The following BRD3 variants were observed in gnomAD, a reference collection of about 807,000 sequenced individuals.
BRD3 encodes bromodomain-containing protein 3.
In BRD3, 17 loss-of-function variants were observed where a neutral mutation model predicts 66.8. That is an observed-to-expected ratio of 0.25 (90% CI 0.17 to 0.38). The LOEUF is 0.38. Ranked by LOEUF, BRD3 falls within the 10% of genes least tolerant of loss-of-function variation. The probability of loss-of-function intolerance (pLI) is 1.00; values close to 1 mark genes in which losing one functional copy is unlikely to be tolerated. For synonymous variants in BRD3, 421 were observed against 393.2 expected (o/e 1.07, Z -0.84); for missense variants, 713 against 956.1 (o/e 0.75, Z 3.35).
At chr9:134,040,836 G>A (rs1830028288) in intron 8 of BRD3, among the ~76,000 whole-genome samples, 1 of 152,234 alleles carries the variant, frequency 6.6e-6, no homozygotes, top group African/African-American at 2.4e-5. Context: ...TCCACTGCCA[G>A]CAACCAGCAT....
intron 11 of BRD3, 49 bp downstream of exon 11, chr9:134,034,652 C>G (rs764475299): frequency 1.3e-6 from 2 of 1,595,998 alleles, no homozygotes; most frequent in Admixed American, 3.4e-5. Context: ...CTACTGCTGA[C>G]ACCCCCCACC....
intron 1 of BRD3, among the ~76,000 whole-genome samples, chr9:134,065,220 C>T (rs911584757): frequency 3.9e-5 from 6 of 152,042 alleles, no homozygotes; most frequent in African/African-American, 9.7e-5. Flanking sequence ...GTGAGGAGTT[C>T]GAGACCAGCC....
At position 134,045,973 on chromosome 9, in the gene BRD3, C is replaced by T. The variant is rs1830156941; in HGVS notation, c.1087-552G>A. ...CTAGCTGGACCTAAGGGACTCCACG[C>T]TGTGTCCAGCGGCAGCTCCTGAACC... On this transcript the variant is annotated intron_variant, in intron 6 of 11. Coordinates refer to ENST00000303407, the MANE Select transcript of BRD3 (RefSeq NM_007371.4). The surrounding 1 kb of genome is among the most constrained non-coding windows in gnomAD (Gnocchi z 4.8). Among the ~76,000 whole-genome samples, 1 of 152,252 alleles carries T rather than the reference C, an allele frequency of 6.6e-6. No homozygotes were observed. Among genetic ancestry groups the T allele is most frequent in the Non-Finnish European group, 1.5e-5 (1 of 68,036 alleles).
At chr9:134,049,499 G>T (rs1396571274) in intron 5 of BRD3, among the ~76,000 whole-genome samples, 2 of 152,234 alleles carry the variant, frequency 1.3e-5, no homozygotes, top group Non-Finnish European at 2.9e-5. Flanking sequence ...GTGCTGCCAA[G>T]CGCCAGGCGC....
At chr9:134,065,113 A>G (rs1039877290) in intron 1 of BRD3, among the ~76,000 whole-genome samples, 2 of 152,112 alleles carry the variant, frequency 1.3e-5, no homozygotes, top group East Asian at 3.9e-4. Flanking sequence ...CTTCAACCAG[A>G]TACTGGCTTC....
upstream of BRD3, chr9:134,068,457 C>A (rs892582501): frequency 6.0e-5 from 9 of 150,162 alleles, no homozygotes; most frequent in African/African-American, 2.2e-4. Flanking sequence ...CCCTCGAACC[C>A]CGGCCGCGCA....
In BRD3 at chr9:134,048,491, A is replaced by C. The variant is rs760736083; in HGVS notation, c.715-37T>G. The C allele has an allele frequency of 1.9e-6, 3 of 1,596,626 alleles. No homozygotes were observed. The South Asian group carries it at 3.3e-5, about 18-fold the overall frequency. On this transcript the variant is annotated intron_variant, in intron 5 of 11. Transcript: ENST00000303407. ...AAATAACCAGTGAACCCCGGAAACC[A>C]GGGGCCCCGAAGACGCATGTCGCTG...
chr9:134,058,866 T>A (rs1305483314), intron 1 of BRD3: 1 of 152,280 alleles, frequency 6.6e-6, no homozygotes, highest in Non-Finnish European at 1.5e-5. Flanking sequence ...GGCTCCATTT[T>A]ATAGTCCAGG....
chr9:134,067,470 C>G (rs1830688515), intron 1 of BRD3, among the ~76,000 whole-genome samples: 1 of 148,828 alleles, frequency 6.7e-6, no homozygotes, highest in Admixed American at 6.7e-5. Flanking sequence ...CGCACGGCCG[C>G]AGGCCGGGGC....
Position 134,033,295 on chromosome 9 carries a change from T to C in BRD3, c.*295A>G. On this transcript the variant is annotated 3_prime_UTR_variant, in exon 12 of 12. Coordinates refer to ENST00000303407, the MANE Select transcript of BRD3 (RefSeq NM_007371.4). This position sits in a 1 kb window ranked among gnomAD's most constrained non-coding sequence, Gnocchi z 5.1. ...ATTCCACAAGGTTCTTCGGTACGAATCTCACACGGTTTTCTGGGGTCATCG... is the reference window on the plus strand; with the variant it reads ...ATTCCACAAGGTTCTTCGGTACGAACCTCACACGGTTTTCTGGGGTCATCG... 1 of 430,198 alleles carries C rather than the reference T, an allele frequency of 2.3e-6. No individual in the cohort carries two copies. Among genetic ancestry groups the C allele is most frequent in the Non-Finnish European group, 4.1e-6 (1 of 244,452 alleles). The allele number at this position is 430,198 out of a possible 1,614,324, so 26.6% of individuals were successfully genotyped here.
chr9:134,055,132 A>G (rs1830390224), intron 1 of BRD3, among the ~76,000 whole-genome samples: 1 of 152,142 alleles, frequency 6.6e-6, no homozygotes. Context: ...AAAGCGTGGC[A>G]GCACTGCCCC....
chr9:134,068,195 C>A (rs1717124403), upstream of BRD3: 1 of 145,128 alleles, frequency 6.9e-6, no homozygotes, highest in African/African-American at 2.5e-5. Context: ...CCCCGCCCGC[C>A]CCGCCGACCC....
At chr9:134,067,545 G>A (rs1362964237) in intron 1 of BRD3, among the ~76,000 whole-genome samples, 7 of 147,954 alleles carry the variant, frequency 4.7e-5, no homozygotes, top group Admixed American at 2.0e-4. Flanking sequence ...GGCGGGCGGA[G>A]GAAAGGGGGA....
Position 134,048,333 on chromosome 9 carries a change from C to T in BRD3, c.836G>A (p.Arg279Gln), listed in dbSNP as rs754685675. ...CTTGATGGGGCGGCCACCACTCTCC[C>T]GCCGGGCCACCACTTTGGCCTGCTT... is the stretch of plus-strand genomic sequence containing the variant. ...DPKQAKVVARRESGGRPIKPP... is the reference protein window; with the variant it reads ...DPKQAKVVARQESGGRPIKPP... Residue 279 changes from arginine to glutamine, a missense_variant, in exon 6 of 12, where the codon CGG (arginine) becomes CAG (glutamine). Around this residue, in one of 5 missense-constraint regions of BRD3, gnomAD observed 418 missense variants for 609.3 expected, o/e 0.69. Transcript: ENST00000303407. 2.5e-6 allele frequency: 4 copies of T among 1,599,078 alleles called. No homozygotes were observed. Among genetic ancestry groups the T allele is most frequent in the African/African-American group, 1.3e-5 (1 of 74,938 alleles).
chr9:134,042,706 T>C (rs964794343), intron 7 of BRD3, among the ~76,000 whole-genome samples: 2 of 87,228 alleles, frequency 2.3e-5, no homozygotes, highest in Admixed American at 2.5e-4. Context: ...CACACACATA[T>C]ATATACACAT....
chr9:134,031,888 G>A lies in BRD3; in HGVS notation c.*1702C>T, dbSNP rs111890662. The A allele has an allele frequency of 7.3e-3, 1,617 of 222,314 alleles. 32 individuals are homozygous for A. The highest frequency in any genetic ancestry group is 0.033 in the African/African-American group (1,495 of 44,716). 13.8% of individuals were successfully genotyped at this position (222,314 alleles called of 1,614,324 possible). A position where few individuals can be genotyped will look rare whatever the true frequency, so the allele number is the denominator to read the frequency against. On this transcript the variant is annotated 3_prime_UTR_variant, in exon 12 of 12. Transcript: ENST00000303407. ...CACGCTGAGGTCCGGGAGAATGCCT[G>A]GTTTCAGTCATTTCCGGACTAACTG...
At chr9:134,047,128 C>T (rs1013094347) in intron 6 of BRD3, among the ~76,000 whole-genome samples, 1 of 152,270 alleles carries the variant, frequency 6.6e-6, no homozygotes, top group Non-Finnish European at 1.5e-5. Context: ...GGCTCTGGGG[C>T]CTGGGCCAGC....
In BRD3 at chr9:134,045,819, A is replaced by G. The variant is rs1830154676; in HGVS notation, c.1087-398T>C. 6.6e-6 allele frequency among the ~76,000 whole-genome samples: 1 copy of G among 152,214 alleles called. No homozygotes were observed. The highest frequency in any genetic ancestry group is 1.9e-4 in the East Asian group (1 of 5,194). ...GCCCCAGGGGGCGTGAGGCTGCAGC[A>G]AAGTCAGACTCCACCAACAACAGGG... On this transcript the variant is annotated intron_variant, in intron 6 of 11. Coordinates refer to ENST00000303407, the MANE Select transcript of BRD3 (RefSeq NM_007371.4). The surrounding 1 kb of genome is among the most constrained non-coding windows in gnomAD (Gnocchi z 4.8).
At position 134,067,279 on chromosome 9, in the gene BRD3, G is replaced by A. The variant is rs1260156503; in HGVS notation, c.-114+666C>T. 2.6e-5 allele frequency among the ~76,000 whole-genome samples: 4 copies of A among 151,990 alleles called. No individual in the cohort carries two copies. The East Asian group carries it at 7.7e-4, about 29-fold the overall frequency. On this transcript the variant is annotated intron_variant, in intron 1 of 11. Coordinates refer to ENST00000303407, the MANE Select transcript of BRD3 (RefSeq NM_007371.4). Reference sequence around the variant, plus strand: ...GGTGCAATAATCCGGCAACTCAGGGGGGCTCAAAGTCAGCTCTGGGCCCGT... The same window carrying A: ...GGTGCAATAATCCGGCAACTCAGGGAGGCTCAAAGTCAGCTCTGGGCCCGT...
Sources: gnomAD v4.1 joint callset for allele counts (sites outside exome capture counted in the v4.1 genomes callset) on GRCh38, gnomAD v4.1.1 for gene constraint, gnomAD v4.1.1 regional missense constraint, Gnocchi (gnomAD v3.1) non-coding constraint, MANE v1.5 for transcripts, NCBI Gene and HGNC (gene_info 2026-07-23, HGNC 2026-07-21) for gene names.